FAM72A: variants seen among roughly 807,000 people sequenced by gnomAD.
FAM72A encodes regulator of UNG2 and MKLN1 interacting yippee protein 1, also known as protein FAM72A.
Under a neutral mutation model 11.3 loss-of-function variants are expected in FAM72A, and 1 was observed. The observed-to-expected ratio is 0.09, with a 90% confidence interval of 0.03 to 0.42. The LOEUF is 0.42. FAM72A is among the 10% of genes least tolerant of loss of function. FAM72A has a pLI of 0.98. For synonymous variants in FAM72A, 5 were observed against 46.9 expected (o/e 0.11, Z 3.65); for missense variants, 15 against 135.5 (o/e 0.11, Z 4.41).
At chr1:206,203,820 A>G (rs1553300055), upstream of FAM72A, 18 of 1,527,812 alleles carry the variant, frequency 1.2e-5, no homozygotes, top group Non-Finnish European at 1.4e-5. Flanking sequence ...CCCTCTCCAA[A>G]TCTCCCAGTA....
Position 206,187,212 on chromosome 1 carries a change from A to G in FAM72A, c.*67T>C. 1 of 1,338,476 alleles carries G rather than the reference A, an allele frequency of 7.5e-7. No homozygotes were observed. The highest frequency in any genetic ancestry group is 2.8e-5 in the East Asian group (1 of 35,798). 82.9% of individuals were successfully genotyped at this position (1,338,476 alleles called of 1,614,324 possible). The stretch of plus-strand genomic sequence containing the variant: ...AAGATCACTGGCAACTAACAATTTT[A>G]AAGTTGATCCATTAATATATTTTTA... On this transcript the variant is annotated 3_prime_UTR_variant, in exon 4 of 4. Coordinates refer to ENST00000367128, the MANE Select transcript of FAM72A (RefSeq NM_001123168.3).
chr1:206,194,215 AAC>A (rs1161749699), intron 3 of FAM72A, among the ~76,000 whole-genome samples: 2 of 152,198 alleles, frequency 1.3e-5, no homozygotes, highest in African/African-American at 2.4e-5. Context: ...ATAGCAAGAA[AAC>A]TACACTTAGA....
Sources: gnomAD v4.1 joint callset for allele counts (sites outside exome capture counted in the v4.1 genomes callset) on GRCh38, gnomAD v4.1.1 for gene constraint, MANE v1.5 for transcripts, NCBI Gene and HGNC (gene_info 2026-07-23, HGNC 2026-07-21) for gene names.